The following FBH1 variants were observed in gnomAD, a reference collection of about 807,000 sequenced individuals.
The protein encoded by FBH1 is F-box DNA helicase 1.
A neutral mutation model predicts 115.5 loss-of-function variants in FBH1; 43 were observed. The observed-to-expected ratio is 0.37, with a 90% CI of 0.29 to 0.48. FBH1 has a LOEUF of 0.48. FBH1 is among the 20% of genes least tolerant of loss of function. The pLI is 0.99. For missense variants in FBH1, 1,001 were observed against 1,337.3 expected (o/e 0.75, Z 3.92); for synonymous variants, 524 against 507.8 (o/e 1.03, Z -0.43).
At chr10:5,899,099 A>C (rs1045376118) in intron 1 of FBH1, among the ~76,000 whole-genome samples, 6 of 152,184 alleles carry the variant, frequency 3.9e-5, no homozygotes, top group African/African-American at 1.4e-4. Flanking sequence ...CCAAAAGCCA[A>C]ATGTAGAAGG....
At chr10:5,901,573 T>C (rs1229727930) in intron 1 of FBH1, among the ~76,000 whole-genome samples, 1 of 150,078 alleles carries the variant, frequency 6.7e-6, no homozygotes, top group African/African-American at 2.4e-5. Flanking sequence ...TTTTTCTTTT[T>C]TTTTTTTTTT....
Position 5,903,160 on chromosome 10 carries a change from AAAAG to A in FBH1, c.144_147del (p.Arg49GlyfsTer16). On this transcript the variant is annotated frameshift_variant, in exon 2 of 21. Coordinates refer to ENST00000362091, the MANE Select transcript of FBH1 (RefSeq NM_178150.3). LOFTEE classifies it high-confidence loss of function. ...TGGTCTCTATCCTAAACCGAGAACAAAAAGAGGGAGTAGGGGTATGTCTCCTCTA... is the reference window on the plus strand; with the variant it reads ...TGGTCTCTATCCTAAACCGAGAACAAAGGGAGTAGGGGTATGTCTCCTCTA... The A allele has an allele frequency of 2.5e-6, 4 of 1,611,768 alleles. No individual in the cohort carries two copies. The highest frequency in any genetic ancestry group is 2.7e-5 in the African/African-American group (2 of 75,006).
At position 5,911,887 on chromosome 10, in the gene FBH1, C is replaced by T. The variant is rs967626940; in HGVS notation, c.1211+759C>T. Among the ~76,000 whole-genome samples, 28 of 151,988 alleles carry T rather than the reference C, an allele frequency of 1.8e-4. No individual in the cohort carries two copies. The highest frequency in any genetic ancestry group is 7.4e-5 in the Non-Finnish European group (5 of 67,996). On this transcript the variant is annotated intron_variant, in intron 6 of 20. Coordinates refer to ENST00000362091, the MANE Select transcript of FBH1 (RefSeq NM_178150.3). This position sits in a 1 kb window ranked among gnomAD's most constrained non-coding sequence, Gnocchi z 5.4. ...AACCTGAGTGTGGAGGAGGAACCGC[C>T]GTTTCACAACTGTGGGGAGAGCAGT...
At chr10:5,920,591 G>A (rs1276921076) in intron 13 of FBH1, among the ~76,000 whole-genome samples, 4 of 151,990 alleles carry the variant, frequency 2.6e-5, no homozygotes, top group African/African-American at 4.8e-5. Context: ...TTATAATTTC[G>A]GTTATGGTTC....
chr10:5,913,611 T>G lies in FBH1; in HGVS notation c.1212-136T>G, dbSNP rs569818044. ...CCATAGATATATTTAAATCCTTTTC[T>G]TTCTTTTTTCCATTAAATGGTGGTA... On this transcript the variant is annotated intron_variant, in intron 6 of 20. Coordinates refer to ENST00000362091, the MANE Select transcript of FBH1 (RefSeq NM_178150.3). This position sits in a 1 kb window ranked among gnomAD's most constrained non-coding sequence, Gnocchi z 4.4. 2.7e-5 allele frequency: 16 copies of G among 594,268 alleles called. No homozygotes were observed. In the African/African-American group the frequency reaches 3.1e-4, roughly 12 times the overall value. 36.8% of individuals were successfully genotyped at this position (594,268 alleles called of 1,614,324 possible).
At chr10:5,930,348 A>T (rs1359818251) in intron 19 of FBH1, among the ~76,000 whole-genome samples, 1 of 151,868 alleles carries the variant, frequency 6.6e-6, no homozygotes, top group African/African-American at 2.4e-5. Context: ...GCTGTACGGG[A>T]CTCCCTCCCT....
At position 5,935,652 on chromosome 10, in the gene FBH1, A is replaced by G. The variant is rs1344677822; in HGVS notation, c.2830-804A>G. 6.6e-6 allele frequency: 1 copy of G among 152,250 alleles called. No homozygotes were observed. The highest frequency in any genetic ancestry group is 1.5e-5 in the Non-Finnish European group (1 of 68,038). 9.4% of individuals were successfully genotyped at this position (152,250 alleles called of 1,614,324 possible). ...TTCATAGCTGGTAGGCAGGCCGTCTAAGAGAAAAGACCAAATAAATCAAAA... is the reference window on the plus strand; with the variant it reads ...TTCATAGCTGGTAGGCAGGCCGTCTGAGAGAAAAGACCAAATAAATCAAAA... On this transcript the variant is annotated intron_variant, in intron 19 of 20. Transcript: ENST00000362091. The surrounding 1 kb of genome is among the most constrained non-coding windows in gnomAD (Gnocchi z 5.2).
chr10:5,915,449 T>C lies in FBH1; in HGVS notation c.1443T>C (p.Ser481=). 2 of 1,614,172 alleles carry C rather than the reference T, an allele frequency of 1.2e-6. No homozygotes were observed. The highest frequency in any genetic ancestry group is 1.7e-6 in the Non-Finnish European group (2 of 1,180,030). The stretch of plus-strand genomic sequence containing the variant: ...TGGTCAAGTATGCAGAGAAGTGGTC[T>C]CAGAGCAGGTTTCTGTATGTGACAT... ...STLVKYAEKW[S]QSRFLYVTFN... Residue 481 remains serine (S), a synonymous_variant, in exon 9 of 21, where the codon TCT becomes TCC. Transcript: ENST00000362091. This position sits in a 1 kb window ranked among gnomAD's most constrained non-coding sequence, Gnocchi z 5.2.
intron 18 of FBH1, among the ~76,000 whole-genome samples, chr10:5,927,218 T>TA (rs1458667003): frequency 6.6e-6 from 1 of 152,228 alleles, no homozygotes; most frequent in Non-Finnish European, 1.5e-5. Flanking sequence ...GTAGCAGGAC[T>TA]AAATAAAACC....
Position 5,936,467 on chromosome 10 carries a change from G to C in FBH1, c.2841G>C (p.Leu947Phe), listed in dbSNP as rs148961372. 177 of 1,613,690 alleles carry C rather than the reference G, an allele frequency of 1.1e-4. No individual in the cohort carries two copies. The highest frequency in any genetic ancestry group is 1.4e-4 in the Non-Finnish European group (167 of 1,179,914). ...TCTTTCTTTCTCAGGAGTACTTCTTGCAAGCAGAGCTGACAAGCAACGTCT... is the reference window on the plus strand; with the variant it reads ...TCTTTCTTTCTCAGGAGTACTTCTTCCAAGCAGAGCTGACAAGCAACGTCT... ...NILTLAGEYFLQAELTSNVLK... is the reference protein window; with the variant it reads ...NILTLAGEYFFQAELTSNVLK... Residue 947 changes from leucine (L) to phenylalanine (F), a missense_variant, in exon 20 of 21, where the codon TTG becomes TTC. Leu to Phe is a conservative substitution (Grantham distance 22, BLOSUM62 0). Coordinates refer to ENST00000362091, the MANE Select transcript of FBH1 (RefSeq NM_178150.3). This position sits in a 1 kb window ranked among gnomAD's most constrained non-coding sequence, Gnocchi z 5.6.
intron 1 of FBH1, among the ~76,000 whole-genome samples, chr10:5,901,204 C>T (rs1843326085): frequency 2.0e-5 from 3 of 152,184 alleles, no homozygotes; most frequent in South Asian, 2.1e-4. Context: ...TGGAGTTTCA[C>T]TCTTGTTGCC....
At chr10:5,893,639 CTATT>C (rs1842857717) in intron 1 of FBH1, among the ~76,000 whole-genome samples, 3 of 152,294 alleles carry the variant, frequency 2.0e-5, no homozygotes, top group Admixed American at 6.5e-5. Context: ...TTGCCTAACT[CTATT>C]TATGTTTCTT....
Position 5,924,571 on chromosome 10 carries a change from TC to T in FBH1, c.2596+64del, listed in dbSNP as rs1832518290. ...GGAGGAACAGATGGTCTTCTGCTGT[TC>T]TTTTTTTTTTTTTGAGACAGAGTAT... On this transcript the variant is annotated intron_variant, in intron 17 of 20. Coordinates refer to ENST00000362091, the MANE Select transcript of FBH1 (RefSeq NM_178150.3). The surrounding 1 kb of genome is among the most constrained non-coding windows in gnomAD (Gnocchi z 6.2). 6.6e-7 allele frequency: 1 copy of T among 1,504,218 alleles called. No individual in the cohort carries two copies. Among genetic ancestry groups the T allele is most frequent in the African/African-American group, 1.4e-5 (1 of 69,868 alleles). The allele number at this position is 1,504,218 out of a possible 1,614,324, so 93.2% of individuals were successfully genotyped here.
intron 3 of FBH1, 61 bp from the exon 4 acceptor site, chr10:5,908,864 T>G: frequency 6.3e-7 from 1 of 1,589,732 alleles, no homozygotes; most frequent in Non-Finnish European, 8.6e-7. Flanking sequence ...GCCCGCCTCA[T>G]TAATCTGCTT....
chr10:5,908,628 G>A (rs1933317663), intron 3 of FBH1, among the ~76,000 whole-genome samples: 1 of 150,418 alleles, frequency 6.6e-6, no homozygotes. Context: ...TTGAGATGGA[G>A]TCTCACTCTG....
At position 5,905,935 on chromosome 10, in the gene FBH1, A is replaced by G. The variant is rs539168714; in HGVS notation, c.158-102A>G. On this transcript the variant is annotated intron_variant, in intron 2 of 20. Coordinates refer to ENST00000362091, the MANE Select transcript of FBH1 (RefSeq NM_178150.3). ...AAATGTGTTTTTATCTCTTTCCACTATTAACATAGATAATTGAAAATTAGT... is the reference window on the plus strand; with the variant it reads ...AAATGTGTTTTTATCTCTTTCCACTGTTAACATAGATAATTGAAAATTAGT... 7.6e-6 allele frequency: 6 copies of G among 790,974 alleles called. No homozygotes were observed. In the African/African-American group the frequency reaches 8.6e-5, roughly 11 times the overall value. 49.0% of individuals were successfully genotyped at this position (790,974 alleles called of 1,614,324 possible).
rs1444729268 is a variant in FBH1, at chr10:5,906,218, A to G, written c.339A>G (p.Ser113=). 6.2e-7 allele frequency: 1 copy of G among 1,614,106 alleles called. No individual in the cohort carries two copies. The highest frequency in any genetic ancestry group is 8.5e-7 in the Non-Finnish European group (1 of 1,180,040). The change falls in exon 3 of 21, where the codon TCA becomes TCG. Residue 113 remains serine (S), a synonymous_variant. Transcript: ENST00000362091. The surrounding 1 kb of genome is among the most constrained non-coding windows in gnomAD (Gnocchi z 7.3). ...AGGAAGGCAGTGCAGGGCCGGGCTC[A>G]CCAGGGTCTGCCCCGCCCTCCAGGA... The part of the protein sequence containing the change: ...LPQEGSAGPG[S]PGSAPPSRKR...
chr10:5,927,661 C>T (rs75810819), intron 19 of FBH1, 120 bp downstream of exon 19: 27 of 711,104 alleles, frequency 3.8e-5, no homozygotes, highest in East Asian at 1.9e-4. Context: ...GGAAGAGAAA[C>T]GCTGCTTGAA....
chr10:5,908,039 T>G (rs1024735651), intron 3 of FBH1, among the ~76,000 whole-genome samples: 2 of 152,210 alleles, frequency 1.3e-5, no homozygotes, highest in Non-Finnish European at 2.9e-5. Context: ...GTCCATAGTG[T>G]TGTTCAGATC....
Sources: gnomAD v4.1 joint callset for allele counts (sites outside exome capture counted in the v4.1 genomes callset) on GRCh38, gnomAD v4.1.1 for gene constraint, Gnocchi (gnomAD v3.1) non-coding constraint, MANE v1.5 for transcripts, NCBI Gene and HGNC (gene_info 2026-07-23, HGNC 2026-07-21) for gene names.